Variants in C1orf122 observed in about 807,000 individuals in gnomAD.
C1orf122 encodes uncharacterized protein C1orf122.
A neutral mutation model predicts 12.9 loss-of-function variants in C1orf122; 12 were observed. That is an observed-to-expected ratio of 0.93 (90% CI 0.60 to 1.51). The LOEUF is 1.51. Ranked by LOEUF, C1orf122 falls within the 40% of genes most tolerant of loss-of-function variation. C1orf122 has a pLI of 0.00. For synonymous variants in C1orf122, 57 were observed against 73.4 expected, an observed-to-expected ratio of 0.78 and a Z score of 1.14; for missense variants, 144 against 162.1, an observed-to-expected ratio of 0.89 and a Z score of 0.61.
In C1orf122 at chr1:37,807,943, C is replaced by G; in HGVS notation, c.-462C>G. 8.1e-7 allele frequency: 1 copy of G among 1,234,870 alleles called. No homozygotes were observed. Among genetic ancestry groups the G allele is most frequent in the Admixed American group, 4.3e-5 (1 of 23,518 alleles). The allele number at this position is 1,234,870 out of a possible 1,614,324, so 76.5% of individuals were successfully genotyped here. The stretch of plus-strand genomic sequence containing the variant: ...TCGGTGGGGACGGCCACCACGGCGC[C>G]GGCGCGCAGCTCGGCCACGGCGGCC... On this transcript the variant is annotated 5_prime_UTR_variant, in exon 1 of 3. Coordinates refer to ENST00000373042, the MANE Select transcript of C1orf122 (RefSeq NM_198446.3).
chr1:37,808,517 T>C lies in C1orf122; in HGVS notation c.36-14T>C. 1.5e-5 allele frequency: 19 copies of C among 1,288,984 alleles called. No individual in the cohort carries two copies. The highest frequency in any genetic ancestry group is 2.5e-5 in the South Asian group (1 of 40,098). The allele number at this position is 1,288,984 out of a possible 1,614,324, so 79.8% of individuals were successfully genotyped here. A position where few individuals can be genotyped will look rare whatever the true frequency, so the allele number is the denominator to read the frequency against. On this transcript the variant is annotated splice_polypyrimidine_tract_variant and intron_variant, in intron 1 of 2. Coordinates refer to ENST00000373042, the MANE Select transcript of C1orf122 (RefSeq NM_198446.3). ...CCGGCCCTGACCGTCTGTCTCTCGC[T>C]CTCTCCCGGGCAGGGAGGCTGCCGG...
At position 37,808,640 on chromosome 1, in the gene C1orf122, C is replaced by A. The variant is rs1021246675; in HGVS notation, c.145C>A (p.Gln49Lys). ...RAQQLLDAVE[Q>K]RQRQLLDTIA... ...CCAGCAGCTGCTGGACGCGGTGGAG[C>A]AGCGGCAGCGGCAGCTCCTGGACAC... The change falls in exon 2 of 3, where the codon CAG becomes AAG. Residue 49 changes from glutamine (Q) to lysine (K), a missense_variant. Gln to Lys is a moderately conservative substitution (Grantham distance 53). Transcript: ENST00000373042. 6.0e-6 allele frequency: 8 copies of A among 1,332,182 alleles called. No homozygotes were observed. Among genetic ancestry groups the A allele is most frequent in the African/African-American group, 1.5e-5 (1 of 65,442 alleles). 82.5% of individuals were successfully genotyped at this position (1,332,182 alleles called of 1,614,324 possible).
chr1:37,808,028 C>T lies in C1orf122; in HGVS notation c.-377C>T. 1 of 1,294,456 alleles carries T rather than the reference C, an allele frequency of 7.7e-7. No individual in the cohort carries two copies. Among genetic ancestry groups the T allele is most frequent in the Non-Finnish European group, 9.8e-7 (1 of 1,024,020 alleles). 80.2% of individuals were successfully genotyped at this position (1,294,456 alleles called of 1,614,324 possible). ...TCGCGGCCTGCACGGCCCCGCTCCC[C>T]GGGAGCCGCAACAGCCGGGCGCCGG... is the stretch of plus-strand genomic sequence containing the variant. On this transcript the variant is annotated 5_prime_UTR_variant, in exon 1 of 3. Transcript: ENST00000373042.
At position 37,809,353 on chromosome 1, in the gene C1orf122, G is replaced by A; in HGVS notation, c.*280G>A. 2 of 507,614 alleles carry A rather than the reference G, an allele frequency of 3.9e-6. No homozygotes were observed. Among genetic ancestry groups the A allele is most frequent in the Non-Finnish European group, 3.6e-6 (1 of 276,870 alleles). The allele number at this position is 507,614 out of a possible 1,614,324, so 31.4% of individuals were successfully genotyped here. A position where few individuals can be genotyped will look rare whatever the true frequency, so the allele number is the denominator to read the frequency against. On this transcript the variant is annotated 3_prime_UTR_variant, in exon 3 of 3. Coordinates refer to ENST00000373042, the MANE Select transcript of C1orf122 (RefSeq NM_198446.3). ...CCAGAGTGGTCTGGCCTGCTATGGG[G>A]GATCCAGGTGGTGTTACATGTCCAT... is the stretch of plus-strand genomic sequence containing the variant.
In C1orf122 at chr1:37,807,959, C is replaced by T; in HGVS notation, c.-446C>T. On this transcript the variant is annotated 5_prime_UTR_variant, in exon 1 of 3. Transcript: ENST00000373042. Reference sequence around the variant, plus strand: ...CCACGGCGCCGGCGCGCAGCTCGGCCACGGCGGCCCGCAGCGCCTCGGTCC... The same window carrying T: ...CCACGGCGCCGGCGCGCAGCTCGGCTACGGCGGCCCGCAGCGCCTCGGTCC... 8.2e-7 allele frequency: 1 copy of T among 1,222,274 alleles called. No homozygotes were observed. The highest frequency in any genetic ancestry group is 1.0e-6 in the Non-Finnish European group (1 of 981,930). The allele number at this position is 1,222,274 out of a possible 1,614,324, so 75.7% of individuals were successfully genotyped here. A position where few individuals can be genotyped will look rare whatever the true frequency, so the allele number is the denominator to read the frequency against.
rs1360445183 is a variant in C1orf122, at chr1:37,808,428, C to G, written c.24C>G (p.Asp8Glu). MEWGPGSDWSRGEAAGVD... is the reference protein window; with the variant it reads MEWGPGSEWSRGEAAGVD... ...AGATGGAATGGGGCCCGGGCTCAGA[C>G]TGGTCACGGGGGTGAGAGGGGGCCC... is the stretch of plus-strand genomic sequence containing the variant. The change falls in exon 1 of 3, where the codon GAC becomes GAG. Residue 8 changes from aspartate (D) to glutamate (E), a missense_variant. Physicochemically the swap from Asp to Glu is conservative, Grantham distance 45. Coordinates refer to ENST00000373042, the MANE Select transcript of C1orf122 (RefSeq NM_198446.3). 2.3e-6 allele frequency: 3 copies of G among 1,292,058 alleles called. No individual in the cohort carries two copies. Among genetic ancestry groups the G allele is most frequent in the Non-Finnish European group, 2.9e-6 (3 of 1,021,606 alleles). The allele number at this position is 1,292,058 out of a possible 1,614,324, so 80.0% of individuals were successfully genotyped here. A position where few individuals can be genotyped will look rare whatever the true frequency, so the allele number is the denominator to read the frequency against.
rs1323266764 is a variant in C1orf122 at position 37,808,314 on chromosome 1, C to T, written c.-91C>T. ...GAGGATTGAAGGAGACCGGTGGGGA[C>T]GGGGCGGGGCGCAGCCTTGCGAAGC... is the stretch of plus-strand genomic sequence containing the variant. On this transcript the variant is annotated 5_prime_UTR_variant, in exon 1 of 3. The change creates a new upstream start codon in the 5' untranslated region. Coordinates refer to ENST00000373042, the MANE Select transcript of C1orf122 (RefSeq NM_198446.3). The T allele has an allele frequency of 4.0e-6, 5 of 1,264,666 alleles. No individual in the cohort carries two copies. The South Asian group carries it at 8.3e-5, about 21-fold the overall frequency. 78.3% of individuals were successfully genotyped at this position (1,264,666 alleles called of 1,614,324 possible). A position where few individuals can be genotyped will look rare whatever the true frequency, so the allele number is the denominator to read the frequency against.
At position 37,808,732 on chromosome 1, in the gene C1orf122, G is replaced by T. The variant is rs1163938540; in HGVS notation, c.237G>T (p.Gly79=). The T allele has an allele frequency of 7.0e-6, 10 of 1,435,088 alleles. No homozygotes were observed. Among genetic ancestry groups the T allele is most frequent in the Non-Finnish European group, 8.1e-6 (9 of 1,107,724 alleles). 88.9% of individuals were successfully genotyped at this position (1,435,088 alleles called of 1,614,324 possible). The change falls in exon 2 of 3, where the codon GGG becomes GGT. Residue 79 remains glycine (G), a splice_region_variant and synonymous_variant. Coordinates refer to ENST00000373042, the MANE Select transcript of C1orf122 (RefSeq NM_198446.3). The part of the protein sequence containing the change: ...GRRRPEPAGG[G]NVSAKPGAPP... The stretch of plus-strand genomic sequence containing the variant: ...GGCGCCCGGAGCCGGCTGGTGGCGG[G>T]GTTAGTGCCCACCCTGGGCTGGGCT...
Position 37,808,306 on chromosome 1 carries a change from G to T in C1orf122, c.-99G>T. On this transcript the variant is annotated 5_prime_UTR_variant, in exon 1 of 3. Transcript: ENST00000373042. ...ACCCCCAGGAGGATTGAAGGAGACC[G>T]GTGGGGACGGGGCGGGGCGCAGCCT... 1 of 1,283,388 alleles carries T rather than the reference G, an allele frequency of 7.8e-7. No homozygotes were observed. The highest frequency in any genetic ancestry group is 1.5e-5 in the African/African-American group (1 of 64,756). The allele number at this position is 1,283,388 out of a possible 1,614,324, so 79.5% of individuals were successfully genotyped here.
rs1181850266 is a variant in C1orf122, at chr1:37,808,902, A to T, written c.238-76A>T. ...AAAAGTTAATACTATCCAAATGCCA[A>T]ATGGCCACATCCTTGTGGGGCCTAA... On this transcript the variant is annotated intron_variant, in intron 2 of 2. Transcript: ENST00000373042. The T allele has an allele frequency of 2.7e-6, 4 of 1,508,076 alleles. No homozygotes were observed. In the African/African-American group the frequency reaches 5.6e-5, roughly 21 times the overall value. The allele number at this position is 1,508,076 out of a possible 1,614,324, so 93.4% of individuals were successfully genotyped here.
rs947794540 is a variant in C1orf122, at chr1:37,809,384, GT to G, written c.*315del. The G allele has an allele frequency of 1.0e-4, 42 of 419,640 alleles. No homozygotes were observed. The highest frequency in any genetic ancestry group is 8.6e-4 in the South Asian group (39 of 45,090). 26.0% of individuals were successfully genotyped at this position (419,640 alleles called of 1,614,324 possible). On this transcript the variant is annotated 3_prime_UTR_variant, in exon 3 of 3. Transcript: ENST00000373042. ...AGGTGGTGTTACATGTCCATTTCAT[GT>G]TTTGGGGGCTTTTAGCCCCACAAAA... is the stretch of plus-strand genomic sequence containing the variant.
At position 37,809,046 on chromosome 1, in the gene C1orf122, T is replaced by G; in HGVS notation, c.306T>G (p.Asp102Glu). Residue 102 changes from aspartate to glutamate, a missense_variant, in exon 3 of 3, where the codon GAT becomes GAG. Physicochemically the swap from Asp to Glu is conservative, Grantham distance 45. Coordinates refer to ENST00000373042, the MANE Select transcript of C1orf122 (RefSeq NM_198446.3). ...CCGCCAGAGGCGGCTTTCCAAAGGA[T>G]GCTGGCGATGGAGCTGCGGAGCCCT... Reference protein sequence around the residue: ...AVSARGGFPKDAGDGAAEP With the variant: ...AVSARGGFPKEAGDGAAEP The G allele has an allele frequency of 1.2e-6, 2 of 1,613,910 alleles. No individual in the cohort carries two copies. Among genetic ancestry groups the G allele is most frequent in the Non-Finnish European group, 8.5e-7 (1 of 1,180,016 alleles).
Position 37,808,141 on chromosome 1 carries a change from C to G in C1orf122, c.-264C>G. 2 of 1,472,454 alleles carry G rather than the reference C, an allele frequency of 1.4e-6. No individual in the cohort carries two copies. The highest frequency in any genetic ancestry group is 1.8e-6 in the Non-Finnish European group (2 of 1,118,908). 91.2% of individuals were successfully genotyped at this position (1,472,454 alleles called of 1,614,324 possible). A position where few individuals can be genotyped will look rare whatever the true frequency, so the allele number is the denominator to read the frequency against. The stretch of plus-strand genomic sequence containing the variant: ...TCGCTCAACCCCACGCTGGCAGCCA[C>G]CGCGGCCCTCATCCCCCTGCACCGA... On this transcript the variant is annotated 5_prime_UTR_variant, in exon 1 of 3. Coordinates refer to ENST00000373042, the MANE Select transcript of C1orf122 (RefSeq NM_198446.3).
chr1:37,808,092 C>A lies in C1orf122; in HGVS notation c.-313C>A. 1.4e-6 allele frequency: 2 copies of A among 1,389,894 alleles called. No individual in the cohort carries two copies. The highest frequency in any genetic ancestry group is 1.9e-6 in the Non-Finnish European group (2 of 1,075,914). The allele number at this position is 1,389,894 out of a possible 1,614,324, so 86.1% of individuals were successfully genotyped here. A position where few individuals can be genotyped will look rare whatever the true frequency, so the allele number is the denominator to read the frequency against. ...GGGACTCGGCGGGCGGAAGAGGCGA[C>A]CGCTCCGGGAGCCAGCAGGCCCCTC... On this transcript the variant is annotated 5_prime_UTR_variant, in exon 1 of 3. Transcript: ENST00000373042.
In C1orf122 at chr1:37,808,356, G is replaced by C. The variant is rs1240567144; in HGVS notation, c.-49G>C. ...TTGCGAAGCCCTAACGCAGCGCTGG[G>C]GAGGGGGGCGGCCGAAAGGGGGGCG... On this transcript the variant is annotated 5_prime_UTR_variant, in exon 1 of 3. Transcript: ENST00000373042. 3 of 1,288,474 alleles carry C rather than the reference G, an allele frequency of 2.3e-6. No individual in the cohort carries two copies. The highest frequency in any genetic ancestry group is 2.9e-6 in the Non-Finnish European group (3 of 1,019,582). 79.8% of individuals were successfully genotyped at this position (1,288,474 alleles called of 1,614,324 possible).
rs1477587182 is a variant in C1orf122, at chr1:37,808,456, C to A, written c.35+17C>A. On this transcript the variant is annotated intron_variant, in intron 1 of 2. Coordinates refer to ENST00000373042, the MANE Select transcript of C1orf122 (RefSeq NM_198446.3). ...GTCACGGGGGTGAGAGGGGGCCCGT[C>A]GGGGCGGGAGGAAGGGGCTTGGCCC... 1 of 1,276,148 alleles carries A rather than the reference C, an allele frequency of 7.8e-7. No homozygotes were observed. The highest frequency in any genetic ancestry group is 9.9e-7 in the Non-Finnish European group (1 of 1,012,412). The allele number at this position is 1,276,148 out of a possible 1,614,324, so 79.1% of individuals were successfully genotyped here.
In C1orf122 at chr1:37,808,345, C is replaced by A; in HGVS notation, c.-60C>A. ...GGGGCGCAGCCTTGCGAAGCCCTAA[C>A]GCAGCGCTGGGGAGGGGGGCGGCCG... On this transcript the variant is annotated 5_prime_UTR_variant, in exon 1 of 3. Transcript: ENST00000373042. The A allele has an allele frequency of 7.8e-7, 1 of 1,277,580 alleles. No homozygotes were observed. Among genetic ancestry groups the A allele is most frequent in the South Asian group, 2.6e-5 (1 of 38,752 alleles). The allele number at this position is 1,277,580 out of a possible 1,614,324, so 79.1% of individuals were successfully genotyped here.
chr1:37,808,279 C>T lies in C1orf122; in HGVS notation c.-126C>T. On this transcript the variant is annotated 5_prime_UTR_variant, in exon 1 of 3. In the 5' UTR this introduces an upstream ATG that the reference lacks. Coordinates refer to ENST00000373042, the MANE Select transcript of C1orf122 (RefSeq NM_198446.3). ...TGCGCCGGGCAGCTTAAAGGGACCA[C>T]GACCCCCAGGAGGATTGAAGGAGAC... is the stretch of plus-strand genomic sequence containing the variant. 1 of 1,289,110 alleles carries T rather than the reference C, an allele frequency of 7.8e-7. No individual in the cohort carries two copies. The highest frequency in any genetic ancestry group is 9.8e-7 in the Non-Finnish European group (1 of 1,018,712). 79.9% of individuals were successfully genotyped at this position (1,289,110 alleles called of 1,614,324 possible).
In C1orf122 at chr1:37,809,119, G is replaced by C; in HGVS notation, c.*46G>C. 1 of 1,598,322 alleles carries C rather than the reference G, an allele frequency of 6.3e-7. No homozygotes were observed. Among genetic ancestry groups the C allele is most frequent in the Non-Finnish European group, 8.6e-7 (1 of 1,165,552 alleles). Reference sequence around the variant, plus strand: ...CTGACTTCTCTCCCTCCCCAGGGCCGGTGGCTGGACTCTGAACAACTCCCT... The same window carrying C: ...CTGACTTCTCTCCCTCCCCAGGGCCCGTGGCTGGACTCTGAACAACTCCCT... On this transcript the variant is annotated 3_prime_UTR_variant, in exon 3 of 3. Coordinates refer to ENST00000373042, the MANE Select transcript of C1orf122 (RefSeq NM_198446.3).
Sources: gnomAD v4.1 joint callset for allele counts on GRCh38, gnomAD v4.1.1 for gene constraint, MANE v1.5 for transcripts, NCBI Gene and HGNC (gene_info 2026-07-23, HGNC 2026-07-21) for gene names.